ADA: variants seen among roughly 807,000 people sequenced by gnomAD.
The protein encoded by ADA is adenosine deaminase, also known as adenosine aminohydrolase.
A neutral mutation model predicts 49.0 loss-of-function variants in ADA; 45 were observed. The observed-to-expected ratio is 0.92, with a 90% confidence interval of 0.72 to 1.18. The LOEUF is 1.18. Among genes scored for constraint, ADA ranks in the 50% most tolerant of loss-of-function variants. ADA has a pLI of 0.00. For synonymous variants in ADA, 173 were observed against 184.2 expected, an observed-to-expected ratio of 0.94 and a Z score of 0.49; for missense variants, 445 against 472.5, an observed-to-expected ratio of 0.94 and a Z score of 0.54.
chr20:44,621,053 C>T lies in ADA; in HGVS notation c.940G>A (p.Asp314Asn). The T allele has an allele frequency of 1.2e-6, 2 of 1,614,152 alleles. No individual in the cohort carries two copies. The highest frequency in any genetic ancestry group is 1.7e-6 in the Non-Finnish European group (2 of 1,180,030). The part of the protein sequence containing the change: ...LDTDYQMTKR[D>N]MGFTEEEFKR... ...AACTCCTCTTCAGTAAAGCCCATGTCCCGTTTGGTCATCTGGTAATCAGTG... is the reference window on the plus strand; with the variant it reads ...AACTCCTCTTCAGTAAAGCCCATGTTCCGTTTGGTCATCTGGTAATCAGTG... Residue 314 changes from aspartate (D) to asparagine (N), a missense_variant, in exon 10 of 12, where the codon GAC becomes AAC. Asp to Asn is a conservative substitution (Grantham distance 23). Transcript: ENST00000372874.
At chr20:44,625,475 C>T in intron 5 of ADA, 94 bp downstream of exon 5, 1 of 1,153,836 alleles carries the variant, frequency 8.7e-7, no homozygotes, top group Non-Finnish European at 1.3e-6. Flanking sequence ...GGCTGTGGGG[C>T]ACAGGGGAGA....
intron 2 of ADA, among the ~76,000 whole-genome samples, chr20:44,633,597 G>A (rs1294458116): frequency 6.6e-6 from 1 of 152,212 alleles, no homozygotes; most frequent in African/African-American, 2.4e-5. Context: ...AGGGCCCGTA[G>A]AGAGGAAGGC....
intron 2 of ADA, among the ~76,000 whole-genome samples, chr20:44,630,426 C>T (rs979285714): frequency 2.7e-5 from 4 of 150,044 alleles, no homozygotes; most frequent in African/African-American, 9.8e-5. Context: ...TCCGAGGAAA[C>T]AGCACAGAGA....
intron 1 of ADA, among the ~76,000 whole-genome samples, chr20:44,642,933 CACCATG>C (rs2065551185): frequency 6.6e-6 from 1 of 152,128 alleles, no homozygotes. Flanking sequence ...GCCAGCTGCC[CACCATG>C]ACCAGTAGCA....
chr20:44,627,326 C>T (rs1156673246), intron 3 of ADA, among the ~76,000 whole-genome samples: 7 of 152,068 alleles, frequency 4.6e-5, no homozygotes, highest in African/African-American at 1.2e-4. Context: ...GGATTACAGG[C>T]GCATGCCACC....
At chr20:44,634,301 G>C (rs1400588713) in intron 2 of ADA, among the ~76,000 whole-genome samples, 1 of 152,244 alleles carries the variant, frequency 6.6e-6, no homozygotes, top group Non-Finnish European at 1.5e-5. Context: ...CCCACTTAGA[G>C]ATATAAGCTC....
intron 2 of ADA, among the ~76,000 whole-genome samples, chr20:44,629,919 C>T (rs2065418240): frequency 6.6e-6 from 1 of 152,300 alleles, no homozygotes; most frequent in East Asian, 1.9e-4. Context: ...GGGGCTCCCT[C>T]TCTTCTGCAC....
intron 1 of ADA, among the ~76,000 whole-genome samples, chr20:44,646,080 G>A (rs916886236): frequency 6.6e-6 from 1 of 152,176 alleles, no homozygotes; most frequent in African/African-American, 2.4e-5. Flanking sequence ...CCCGCCCCAG[G>A]GGGTACCACA....
chr20:44,635,550 T>C (rs543592390), intron 2 of ADA, among the ~76,000 whole-genome samples: 39 of 152,266 alleles, frequency 2.6e-4, no homozygotes, highest in Non-Finnish European at 5.4e-4. Flanking sequence ...CTCAAGAAAT[T>C]GTACTGGCAT....
rs559217065 is a variant in ADA, at chr20:44,638,643, GTAGAGT to G, written c.34-2361_34-2356del. 4.6e-5 allele frequency among the ~76,000 whole-genome samples: 7 copies of G among 152,362 alleles called. No homozygotes were observed. The South Asian group carries it at 1.0e-3, about 23-fold the overall frequency. On this transcript the variant is annotated intron_variant, in intron 1 of 11. Transcript: ENST00000372874. ...CTGCGCTCCTGCTGGATGCTAGATT[GTAGAGT>G]TAAACAGGAGGGTCCAAGTCCTGTT...
intron 6 of ADA, 150 bp downstream of exon 6, chr20:44,624,052 G>C: frequency 1.7e-6 from 2 of 1,148,446 alleles, no homozygotes; most frequent in South Asian, 2.7e-5. Flanking sequence ...GGCCCAGGGG[G>C]ATTCCAGTTC....
chr20:44,619,984 G>A, intron 11 of ADA, 137 bp from the exon 12 acceptor site: 1 of 1,215,142 alleles, frequency 8.2e-7, no homozygotes, highest in Non-Finnish European at 1.2e-6. Context: ...GACCACATAG[G>A]AAGAAAGGAG....
chr20:44,631,889 C>T (rs540182328), intron 2 of ADA, among the ~76,000 whole-genome samples: 9 of 152,268 alleles, frequency 5.9e-5, no homozygotes, highest in East Asian at 1.9e-4. Context: ...AGGCATCTCG[C>T]GCCACCTTTC....
intron 2 of ADA, among the ~76,000 whole-genome samples, chr20:44,632,835 G>T (rs529624421): frequency 6.6e-6 from 1 of 152,320 alleles, no homozygotes; most frequent in South Asian, 2.1e-4. Flanking sequence ...TGGGATTATA[G>T]ATGCCCACCA....
intron 6 of ADA, 37 bp from the exon 7 acceptor site, chr20:44,623,115 G>A (rs201153711): frequency 5.0e-5 from 80 of 1,612,828 alleles, no homozygotes; most frequent in South Asian, 4.6e-4. Context: ...GTGCCCTAGC[G>A]GGAGGGCCCC....
At chr20:44,640,386 G>A (rs147304238) in intron 1 of ADA, among the ~76,000 whole-genome samples, 329 of 151,728 alleles carry the variant, frequency 2.2e-3, no homozygotes, top group Admixed American at 5.2e-3. Context: ...TAGCACTCCA[G>A]CCTGGGCAAC....
chr20:44,645,094 A>C (rs2065576864), intron 1 of ADA, among the ~76,000 whole-genome samples: 1 of 152,118 alleles, frequency 6.6e-6, no homozygotes, highest in African/African-American at 2.4e-5. Flanking sequence ...GCTAACATCT[A>C]AACAGGGGCC....
chr20:44,650,586 C>T (rs947852987), intron 1 of ADA, among the ~76,000 whole-genome samples: 3 of 151,684 alleles, frequency 2.0e-5, no homozygotes, highest in Non-Finnish European at 4.4e-5. Context: ...CACCACCACA[C>T]ACACTTCCCC....
At chr20:44,635,422 G>A (rs1215886267) in intron 2 of ADA, among the ~76,000 whole-genome samples, 1 of 152,158 alleles carries the variant, frequency 6.6e-6, no homozygotes. Flanking sequence ...TGTGACCGTG[G>A]ACAACTGTCT....
Sources: allele counts gnomAD v4.1 joint callset (sites outside exome capture counted in the v4.1 genomes callset), GRCh38; gene constraint gnomAD v4.1.1; transcripts MANE v1.5; gene names NCBI Gene and HGNC (gene_info 2026-07-23, HGNC 2026-07-21).